Variants in FSIP2 observed in about 807,000 individuals in gnomAD.
FSIP2 encodes fibrous sheath-interacting protein 2.
FSIP2 carries 367 observed loss-of-function variants against 510.5 expected under a neutral mutation model. That is an observed-to-expected ratio of 0.72 (90% confidence interval 0.66 to 0.78). The LOEUF is 0.78. Among genes scored for constraint, FSIP2 ranks in the 30% least tolerant of loss-of-function variants. The probability of loss-of-function intolerance (pLI) is 0.00; values close to 1 mark genes in which losing one functional copy is unlikely to be tolerated. For synonymous variants in FSIP2, 2,601 were observed against 2,732.2 expected (o/e 0.95, Z 1.50); for missense variants, 7,594 against 7,901.7 (o/e 0.96, Z 1.48).
In FSIP2 at chr2:185,794,851, A is replaced by C; in HGVS notation, c.7715A>C (p.Asp2572Ala). 6.5e-7 allele frequency: 1 copy of C among 1,532,032 alleles called. No individual in the cohort carries two copies. The highest frequency in any genetic ancestry group is 2.4e-5 in the East Asian group (1 of 40,822). The allele number at this position is 1,532,032 out of a possible 1,614,324, so 94.9% of individuals were successfully genotyped here. The change falls in exon 16 of 23, where the codon GAC becomes GCC. Residue 2572 changes from aspartate (D) to alanine (A), a missense_variant. Asp to Ala is a moderately radical substitution (Grantham distance 126). Transcript: ENST00000424728. ...NKSRTEVEIS[D>A]HNDSLLMKPL... ...AGTAGGACAGAAGTTGAAATATCTG[A>C]CCACAATGATTCCTTACTAATGAAA...
intron 11 of FSIP2, 65 bp downstream of exon 11, chr2:185,762,082 T>C (rs571908053): frequency 1.1e-4 from 84 of 754,560 alleles, no homozygotes; most frequent in Admixed American, 9.5e-4. Context: ...TTTTATTATA[T>C]ATTTTAAGTT....
In FSIP2 at chr2:185,796,822, C is replaced by T; in HGVS notation, c.9686C>T (p.Ser3229Leu). Residue 3229 changes from serine (S) to leucine (L), a missense_variant, in exon 16 of 23, where the codon TCA becomes TTA. By Grantham distance (145) the Ser-to-Leu change is moderately radical (BLOSUM62 -2). Coordinates refer to ENST00000424728, the MANE Select transcript of FSIP2 (RefSeq NM_173651.4). ...KNSEPTKRPD[S>L]ETMPSCSTRN... Reference sequence around the variant, plus strand: ...TCAGAGCCAACGAAAAGGCCTGATTCAGAAACTATGCCATCGTGTTCTACT... The same window carrying T: ...TCAGAGCCAACGAAAAGGCCTGATTTAGAAACTATGCCATCGTGTTCTACT... 1 of 1,535,136 alleles carries T rather than the reference C, an allele frequency of 6.5e-7. No homozygotes were observed. The highest frequency in any genetic ancestry group is 8.7e-7 in the Non-Finnish European group (1 of 1,146,274).
chr2:185,751,151 C>T (rs1017347170), intron 7 of FSIP2, among the ~76,000 whole-genome samples: 1 of 151,500 alleles, frequency 6.6e-6, no homozygotes, highest in Admixed American at 6.6e-5. Flanking sequence ...TTTCTGTCTA[C>T]TTGTTCTCTC....
intron 18 of FSIP2, among the ~76,000 whole-genome samples, chr2:185,814,244 C>T (rs73045098): frequency 0.045 from 6,880 of 152,068 alleles, 507 homozygotes; most frequent in African/African-American, 0.16. Flanking sequence ...AGGGGAAAAA[C>T]TAGATTAATT....
intron 21 of FSIP2, among the ~76,000 whole-genome samples, chr2:185,830,152 A>G (rs1694081331): frequency 6.6e-6 from 1 of 151,896 alleles, no homozygotes; most frequent in Non-Finnish European, 1.5e-5. Context: ...AACGAAAAAA[A>G]TCAATGTTCT....
upstream of FSIP2, among the ~76,000 whole-genome samples, chr2:185,737,504 A>C (rs936388008): frequency 6.6e-6 from 1 of 152,186 alleles, no homozygotes; most frequent in Non-Finnish European, 1.5e-5. Context: ...CGGGAGAGTA[A>C]AGTAGGAGTA....
At position 185,795,491 on chromosome 2, in the gene FSIP2, CA is replaced by C; in HGVS notation, c.8357del (p.Asn2786IlefsTer9). On this transcript the variant is annotated frameshift_variant, in exon 16 of 23. Coordinates refer to ENST00000424728, the MANE Select transcript of FSIP2 (RefSeq NM_173651.4). LOFTEE classifies it high-confidence loss of function. ...CAGTTTTGCAAGAATTATATGTTAC[CA>C]ATAACTGCAATTTGGCTTACCCGAT... The part of the protein sequence containing the change: ...NTVLQELYVT[N>X]NCNLAYPMKS... 6.5e-7 allele frequency: 1 copy of C among 1,534,648 alleles called. No homozygotes were observed. Among genetic ancestry groups the C allele is most frequent in the East Asian group, 2.4e-5 (1 of 40,836 alleles).
At chr2:185,744,140 T>C (rs1253235976) in intron 3 of FSIP2, among the ~76,000 whole-genome samples, 182 bp from the exon 4 acceptor site, 3 of 152,092 alleles carry the variant, frequency 2.0e-5, no homozygotes, top group South Asian at 4.1e-4. Context: ...CAGAGAGATA[T>C]TACTTACAAG....
chr2:185,757,031 T>G (rs1000278024), intron 9 of FSIP2, among the ~76,000 whole-genome samples: 2 of 151,418 alleles, frequency 1.3e-5, no homozygotes, highest in Non-Finnish European at 3.0e-5. Context: ...TCAGTTAATT[T>G]AACTCCAGAA....
chr2:185,822,544 C>G (rs1195038241), intron 19 of FSIP2, among the ~76,000 whole-genome samples: 1 of 151,726 alleles, frequency 6.6e-6, no homozygotes, highest in African/African-American at 2.4e-5. Flanking sequence ...CAAAATATTG[C>G]TGTAAGAAAT....
intron 19 of FSIP2, among the ~76,000 whole-genome samples, chr2:185,819,562 C>T (rs1040760198): frequency 2.0e-5 from 3 of 151,754 alleles, no homozygotes; most frequent in Non-Finnish European, 4.4e-5. Context: ...ATGATGATAA[C>T]GGCATCAATT....
chr2:185,764,274 G>T (rs1328873344), intron 12 of FSIP2, among the ~76,000 whole-genome samples: 1 of 151,674 alleles, frequency 6.6e-6, no homozygotes, highest in Admixed American at 6.6e-5. Flanking sequence ...TACCAAATGT[G>T]TAGGTGGTTT....
At chr2:185,784,966 T>C (rs1692933416) in intron 14 of FSIP2, among the ~76,000 whole-genome samples, 1 of 152,122 alleles carries the variant, frequency 6.6e-6, no homozygotes, top group Non-Finnish European at 1.5e-5. Flanking sequence ...TCAATGAAGC[T>C]TTTTCAGTTT....
rs1375588266 is a variant in FSIP2, at chr2:185,774,850, C to A, written c.1412-7855C>A. Reference sequence around the variant, plus strand: ...TGCAGTGTTTGGTTTTTTGTTCCTGCGATAGTTTACTGAGAATGATGATTT... The same window carrying A: ...TGCAGTGTTTGGTTTTTTGTTCCTGAGATAGTTTACTGAGAATGATGATTT... On this transcript the variant is annotated intron_variant, in intron 13 of 22. Transcript: ENST00000424728. Among the ~76,000 whole-genome samples, 3 of 72,444 alleles carry A rather than the reference C, an allele frequency of 4.1e-5. 1 individual carries two copies. The highest frequency in any genetic ancestry group is 2.8e-4 in the Admixed American group (2 of 7,234). The allele number at this position is 72,444 out of a possible 152,430, so 47.5% of individuals were successfully genotyped here. A position where few individuals can be genotyped will look rare whatever the true frequency, so the allele number is the denominator to read the frequency against.
chr2:185,827,704 A>G (rs1419703880), intron 20 of FSIP2, among the ~76,000 whole-genome samples: 1 of 151,890 alleles, frequency 6.6e-6, no homozygotes, highest in African/African-American at 2.4e-5. Flanking sequence ...AGAAGTTACT[A>G]TTTAATAATA....
intron 19 of FSIP2, among the ~76,000 whole-genome samples, chr2:185,817,146 G>A (rs1693842468): frequency 6.6e-6 from 1 of 151,962 alleles, no homozygotes; most frequent in African/African-American, 2.4e-5. Context: ...TAAGAGAAAG[G>A]AGCCCAATTT....
chr2:185,810,884 T>C (rs1421636640), intron 17 of FSIP2, among the ~76,000 whole-genome samples: 1 of 152,048 alleles, frequency 6.6e-6, no homozygotes, highest in Non-Finnish European at 1.5e-5. Context: ...TGATGAGGTC[T>C]CAGATGGAAA....
Position 185,790,533 on chromosome 2 carries a change from A to T in FSIP2, c.3397A>T (p.Thr1133Ser). ...SVPFGHLDSKTGSEASVLVSE... is the reference protein window; with the variant it reads ...SVPFGHLDSKSGSEASVLVSE... ...TCCTTTTGGTCACTTAGACAGCAAA[A>T]CTGGCAGTGAAGCTTCAGTTCTTGT... The change falls in exon 16 of 23, where the codon ACT becomes TCT. Residue 1133 changes from threonine to serine, a missense_variant. Coordinates refer to ENST00000424728, the MANE Select transcript of FSIP2 (RefSeq NM_173651.4). The T allele has an allele frequency of 6.5e-7, 1 of 1,534,104 alleles. No individual in the cohort carries two copies.
In FSIP2 at chr2:185,813,605, T is replaced by C. The variant is rs746447975; in HGVS notation, c.19888T>C (p.Leu6630=). The part of the protein sequence containing the change: ...RKPDITKVEL[L]KDVQSKNDLI... ...GCCTGATATTACAAAGGTGGAGCTC[T>C]TAAAAGATGTTCAAAGTAAAAATGA... Residue 6630 remains leucine (L), a synonymous_variant, in exon 18 of 23, where the codon TTA becomes CTA. Transcript: ENST00000424728. 5.1e-6 allele frequency: 8 copies of C among 1,580,970 alleles called. No individual in the cohort carries two copies. Among genetic ancestry groups the C allele is most frequent in the South Asian group, 4.7e-5 (4 of 85,620 alleles).
Sources: gnomAD v4.1 joint callset for allele counts (sites outside exome capture counted in the v4.1 genomes callset) on GRCh38, gnomAD v4.1.1 for gene constraint, MANE v1.5 for transcripts, NCBI Gene and HGNC (gene_info 2026-07-23, HGNC 2026-07-21) for gene names.